SMIM36: variants seen among roughly 807,000 people sequenced by gnomAD.
SMIM36 encodes the protein small integral membrane protein 36.
intron 1 of SMIM36, among the ~76,000 whole-genome samples, chr17:55,498,080 TC>T (rs1234038778): frequency 1.3e-5 from 2 of 152,192 alleles, no homozygotes; most frequent in Non-Finnish European, 2.9e-5. Context: ...TCCAAGCCTC[TC>T]TTCTACCTTT....
chr17:55,492,646 AAC>A (rs1909734161), intron 1 of SMIM36, among the ~76,000 whole-genome samples: 2 of 152,056 alleles, frequency 1.3e-5, no homozygotes, highest in South Asian at 4.1e-4. Flanking sequence ...AAAAAAGAAA[AAC>A]ACACACACAT....
chr17:55,510,537 G>A (rs1013242454), intron 1 of SMIM36, among the ~76,000 whole-genome samples: 1 of 152,154 alleles, frequency 6.6e-6, no homozygotes, highest in Admixed American at 6.5e-5. Context: ...AGGCTGCAGT[G>A]AGCTATGATC....
intron 1 of SMIM36, among the ~76,000 whole-genome samples, chr17:55,486,000 AAAAG>A (rs1474282983): frequency 5.9e-5 from 9 of 151,754 alleles, no homozygotes; most frequent in Non-Finnish European, 1.2e-4. Flanking sequence ...TGAGATGAAG[AAAAG>A]AAAGAAAGAG....
rs1489141790 is a variant in SMIM36 at position 55,500,985 on chromosome 17, A to G, written c.*174+9894T>C. ...TTTATAATATATATTATAATATATT[A>G]TATATTATAATATGTAACATATTAT... On this transcript the variant is annotated intron_variant, in intron 1 of 4. Transcript: ENST00000636752. 4.2e-5 allele frequency among the ~76,000 whole-genome samples: 2 copies of G among 47,594 alleles called. 1 individual carries two copies. The highest frequency in any genetic ancestry group is 7.1e-5 in the Non-Finnish European group (2 of 28,298). 31.2% of individuals were successfully genotyped at this position (47,594 alleles called of 152,430 possible).
intron 3 of SMIM36, chr17:55,468,214 G>T (rs1000185014): frequency 1.3e-5 from 2 of 152,290 alleles, no homozygotes; most frequent in African/African-American, 4.8e-5. Context: ...GACTCCTTCG[G>T]GAGACCGGTC....
intron 3 of SMIM36, among the ~76,000 whole-genome samples, chr17:55,470,189 G>A (rs538671939): frequency 6.6e-6 from 1 of 152,192 alleles, no homozygotes; most frequent in South Asian, 2.1e-4. Flanking sequence ...ATCTTGCCCA[G>A]CAGCCACTCC....
intron 1 of SMIM36, among the ~76,000 whole-genome samples, chr17:55,485,308 C>A (rs552494441): frequency 2.6e-4 from 40 of 151,912 alleles, no homozygotes; most frequent in African/African-American, 9.4e-4. Context: ...TGTTTTGAGA[C>A]AAGGTTTTCT....
At chr17:55,509,227 C>T (rs1277752807) in intron 1 of SMIM36, among the ~76,000 whole-genome samples, 1 of 152,144 alleles carries the variant, frequency 6.6e-6, no homozygotes, top group African/African-American at 2.4e-5. Context: ...ACAGGAGAAA[C>T]CAAAATTGAA....
chr17:55,464,401 G>C (rs1257196327), intron 4 of SMIM36, among the ~76,000 whole-genome samples: 1 of 152,024 alleles, frequency 6.6e-6, no homozygotes, highest in African/African-American at 2.4e-5. Flanking sequence ...CTTTCATCTG[G>C]AACATAGAGG....
intron 1 of SMIM36, among the ~76,000 whole-genome samples, chr17:55,504,190 C>A (rs1206328733): frequency 1.0e-5 from 1 of 99,788 alleles, no homozygotes; most frequent in Non-Finnish European, 1.9e-5. Context: ...AACAAGGATA[C>A]CCAGGAATTG....
At chr17:55,500,003 G>T (rs1489620439) in intron 1 of SMIM36, among the ~76,000 whole-genome samples, 2 of 152,038 alleles carry the variant, frequency 1.3e-5, no homozygotes, top group South Asian at 4.1e-4. Flanking sequence ...CTCAGTTCCT[G>T]GGTTGTTGTT....
chr17:55,454,042 C>T (rs1340091569), intron 4 of SMIM36: 2 of 152,198 alleles, frequency 1.3e-5, no homozygotes, highest in Non-Finnish European at 2.9e-5. Flanking sequence ...TTCCTCTTCT[C>T]TCCAGCGGAA....
At chr17:55,508,510 CCTT>C (rs1910123907) in intron 1 of SMIM36, among the ~76,000 whole-genome samples, 1 of 142,988 alleles carries the variant, frequency 7.0e-6, no homozygotes, top group Admixed American at 7.1e-5. Context: ...TCTGAACTAA[CCTT>C]CTTATTTCTT....
At chr17:55,522,962 C>T in the SMIM36 span, among the ~76,000 whole-genome samples, 577 of 152,246 alleles carry the variant, frequency 3.8e-3, 6 homozygotes, top group African/African-American at 0.013. Flanking sequence ...AAACACATCT[C>T]TTCCAATATT....
intron 1 of SMIM36, among the ~76,000 whole-genome samples, chr17:55,505,495 A>C (rs1230309481): frequency 1.4e-5 from 1 of 69,852 alleles, no homozygotes; most frequent in Non-Finnish European, 2.2e-5. Flanking sequence ...ATCTCAATAG[A>C]TGCAGAAAAG....
At chr17:55,489,648 C>T (rs1022774787) in intron 1 of SMIM36, among the ~76,000 whole-genome samples, 1 of 152,170 alleles carries the variant, frequency 6.6e-6, no homozygotes, top group African/African-American at 2.4e-5. Flanking sequence ...TGGCCATCTT[C>T]CCATGGCAGT....
intron 1 of SMIM36, 39 bp downstream of exon 1, chr17:55,510,840 T>C (rs12449458): frequency 0.071 from 24,185 of 339,524 alleles, 2,667 homozygotes; most frequent in African/African-American, 0.31. Flanking sequence ...ACAGTTTGCA[T>C]TTGGAGAATT....
At chr17:55,503,265 A>G (rs1269017932) in intron 1 of SMIM36, among the ~76,000 whole-genome samples, 2 of 98,534 alleles carry the variant, frequency 2.0e-5, no homozygotes, top group Non-Finnish European at 4.1e-5. Context: ...TCCAAGACAC[A>G]TAATTGTCAG....
At chr17:55,456,858 T>C (rs1379375538) in intron 4 of SMIM36, among the ~76,000 whole-genome samples, 2 of 152,208 alleles carry the variant, frequency 1.3e-5, no homozygotes, top group African/African-American at 4.8e-5. Flanking sequence ...TCCACTCATG[T>C]CAACACATTA....
Sources: gnomAD v4.1 joint callset for allele counts (sites outside exome capture counted in the v4.1 genomes callset) on GRCh38, gnomAD v4.1.1 for gene constraint, MANE v1.5 for transcripts, NCBI Gene and HGNC (gene_info 2026-07-23, HGNC 2026-07-21) for gene names.